The following PLEKHF1 variants were observed in gnomAD, a reference collection of about 807,000 sequenced individuals.
PLEKHF1 encodes the protein pleckstrin homology and FYVE domain containing 1.
PLEKHF1 carries 1 observed loss-of-function variant against 4.1 expected under a neutral mutation model. The observed-to-expected ratio is 0.24, with a 90% CI of 0.09 to 1.15. The LOEUF is 1.15. Among genes scored for constraint, PLEKHF1 ranks in the 50% most tolerant of loss-of-function variants. The pLI is 0.52. For missense variants in PLEKHF1, 429 were observed against 400.6 expected (o/e 1.07, Z -0.60); for synonymous variants, 182 against 178.5 (o/e 1.02, Z -0.16).
intron 1 of PLEKHF1, among the ~76,000 whole-genome samples, chr19:29,667,598 C>G (rs891198): frequency 0.98 from 148,493 of 151,824 alleles, 72,621 homozygotes; most frequent in East Asian, 1. Context: ...GGTTCTCCAC[C>G]TGTAACCCGA....
chr19:29,674,714 C>A lies in PLEKHF1; in HGVS notation c.*35C>A. 1 of 1,559,724 alleles carries A rather than the reference C, an allele frequency of 6.4e-7. No individual in the cohort carries two copies. The highest frequency in any genetic ancestry group is 8.7e-7 in the Non-Finnish European group (1 of 1,150,464). ...TGCAGAACATCTGTCCCCAAGCCAG[C>A]TCCACTGCCCAGGCCCCCAAGAGGG... is the stretch of plus-strand genomic sequence containing the variant. On this transcript the variant is annotated 3_prime_UTR_variant, in exon 2 of 2. Coordinates refer to ENST00000436066, the MANE Select transcript of PLEKHF1 (RefSeq NM_024310.5).
intron 1 of PLEKHF1, among the ~76,000 whole-genome samples, chr19:29,673,387 A>G (rs930309681): frequency 1.5e-5 from 2 of 132,086 alleles, no homozygotes; most frequent in Non-Finnish European, 3.1e-5. Flanking sequence ...CCGGCTCAGT[A>G]GCACTTTTTT....
chr19:29,674,956 TC>T lies in PLEKHF1; in HGVS notation c.*279del. The T allele has an allele frequency of 2.3e-6, 1 of 442,286 alleles. No homozygotes were observed. Among genetic ancestry groups the T allele is most frequent in the Non-Finnish European group, 4.1e-6 (1 of 245,714 alleles). 27.4% of individuals were successfully genotyped at this position (442,286 alleles called of 1,614,324 possible). A position where few individuals can be genotyped will look rare whatever the true frequency, so the allele number is the denominator to read the frequency against. ...ACACTCTGCAGGCTGCAGCGGCAGC[TC>T]CAGATGGCCTCCTGAGCTGGACGAC... On this transcript the variant is annotated 3_prime_UTR_variant, in exon 2 of 2. Coordinates refer to ENST00000436066, the MANE Select transcript of PLEKHF1 (RefSeq NM_024310.5).
intron 1 of PLEKHF1, 113 bp from the exon 2 acceptor site, chr19:29,673,711 C>A: frequency 7.1e-7 from 1 of 1,403,802 alleles, no homozygotes. Flanking sequence ...GGTTACTGTG[C>A]GTAGTCAGTG....
rs1281294155 is a variant in PLEKHF1, at chr19:29,675,165, G to A, written c.*486G>A. On this transcript the variant is annotated 3_prime_UTR_variant, in exon 2 of 2. Transcript: ENST00000436066. Reference sequence around the variant, plus strand: ...CCCACCACGCTGGTGCCCACCGCCTGGCCAGCCAAGCCCTGCCGATCAGAC... The same window carrying A: ...CCCACCACGCTGGTGCCCACCGCCTAGCCAGCCAAGCCCTGCCGATCAGAC... 2 of 167,618 alleles carry A rather than the reference G, an allele frequency of 1.2e-5. No homozygotes were observed. Among genetic ancestry groups the A allele is most frequent in the East Asian group, 3.8e-4 (2 of 5,220 alleles). 10.4% of individuals were successfully genotyped at this position (167,618 alleles called of 1,614,324 possible).
At chr19:29,673,132 A>G (rs1971649290) in intron 1 of PLEKHF1, among the ~76,000 whole-genome samples, 1 of 152,080 alleles carries the variant, frequency 6.6e-6, no homozygotes, top group Non-Finnish European at 1.5e-5. Context: ...GGCTGACAGG[A>G]AGCACTCGGC....
chr19:29,674,381 T>C lies in PLEKHF1; in HGVS notation c.542T>C (p.Val181Ala), dbSNP rs1971675438. ...RRHHCRKCGF[V>A]VCAECSRQRF... ...CACCACTGCCGCAAGTGCGGCTTCG[T>C]GGTCTGCGCTGAGTGCTCGCGCCAG... is the stretch of plus-strand genomic sequence containing the variant. The change falls in exon 2 of 2, where the codon GTG (valine) becomes GCG (alanine). Residue 181 changes from valine (V) to alanine (A), a missense_variant. Transcript: ENST00000436066. 6.5e-7 allele frequency: 1 copy of C among 1,534,692 alleles called. No individual in the cohort carries two copies.
intron 1 of PLEKHF1, among the ~76,000 whole-genome samples, chr19:29,670,186 C>T (rs1193571582): frequency 6.6e-6 from 1 of 152,198 alleles, no homozygotes; most frequent in Non-Finnish European, 1.5e-5. Flanking sequence ...CCCGCCTTGG[C>T]CTCCCAAAAT....
At chr19:29,668,722 A>T (rs544310330) in intron 1 of PLEKHF1, among the ~76,000 whole-genome samples, 38 of 140,686 alleles carry the variant, frequency 2.7e-4, no homozygotes, top group Admixed American at 3.5e-4. Context: ...AATGTCTCAG[A>T]AAAAAAAAAA....
Position 29,674,795 on chromosome 19 carries a change from C to A in PLEKHF1, c.*116C>A. The A allele has an allele frequency of 7.0e-7, 1 of 1,422,762 alleles. No individual in the cohort carries two copies. Among genetic ancestry groups the A allele is most frequent in the Non-Finnish European group, 9.3e-7 (1 of 1,074,302 alleles). The allele number at this position is 1,422,762 out of a possible 1,614,324, so 88.1% of individuals were successfully genotyped here. On this transcript the variant is annotated 3_prime_UTR_variant, in exon 2 of 2. Transcript: ENST00000436066. ...CCCCATCCCATGGTGGCAGGTGCAG[C>A]GGTGGGGAGTGGCTCTTTCTGGACT...
In PLEKHF1 at chr19:29,674,493, G is replaced by A. The variant is rs909492054; in HGVS notation, c.654G>A (p.Glu218=). Residue 218 remains glutamate (E), a synonymous_variant, in exon 2 of 2, where the codon GAG becomes GAA. Coordinates refer to ENST00000436066, the MANE Select transcript of PLEKHF1 (RefSeq NM_024310.5). ...YRELAAQQRQ[E]EAEEQGAGSP... Reference sequence around the variant, plus strand: ...AACTGGCCGCCCAGCAGCGGCAGGAGGAGGCGGAGGAGCAGGGCGCGGGGT... The same window carrying A: ...AACTGGCCGCCCAGCAGCGGCAGGAAGAGGCGGAGGAGCAGGGCGCGGGGT... The A allele has an allele frequency of 1.9e-6, 3 of 1,548,334 alleles. No homozygotes were observed. Among genetic ancestry groups the A allele is most frequent in the Non-Finnish European group, 2.6e-6 (3 of 1,149,590 alleles).
At chr19:29,672,539 G>A (rs73024199) in intron 1 of PLEKHF1, among the ~76,000 whole-genome samples, 6,496 of 152,204 alleles carry the variant, frequency 0.043, 177 homozygotes, top group East Asian at 0.081. Flanking sequence ...CCTTGCCACC[G>A]ATATGGTGGC....
intron 1 of PLEKHF1, among the ~76,000 whole-genome samples, chr19:29,670,782 A>G (rs1276513876): frequency 6.6e-6 from 1 of 151,348 alleles, no homozygotes; most frequent in Non-Finnish European, 1.5e-5. Context: ...GGTTCACGCC[A>G]TTCTCCTGCC....
At chr19:29,672,304 T>C (rs534866870) in intron 1 of PLEKHF1, among the ~76,000 whole-genome samples, 1 of 152,166 alleles carries the variant, frequency 6.6e-6, no homozygotes, top group South Asian at 2.1e-4. Flanking sequence ...CCAGAGACAA[T>C]AATAAATGAA....
chr19:29,673,690 G>A (rs907779671), intron 1 of PLEKHF1, 134 bp from the exon 2 acceptor site: 1 of 1,181,612 alleles, frequency 8.5e-7, no homozygotes, highest in South Asian at 1.5e-5. Flanking sequence ...TCAGTGCTGG[G>A]CAGGCCTGCG....
In PLEKHF1 at chr19:29,674,427, G is replaced by A. The variant is rs926565379; in HGVS notation, c.588G>A (p.Leu196=). Residue 196 remains leucine, a synonymous_variant, in exon 2 of 2, where the codon CTG becomes CTA. Coordinates refer to ENST00000436066, the MANE Select transcript of PLEKHF1 (RefSeq NM_024310.5). ...GCCAGCGCTTCCTGCTCCCGCGCCTGTCCCCCAAGCCCGTGCGCGTCTGCA... is the reference window on the plus strand; with the variant it reads ...GCCAGCGCTTCCTGCTCCCGCGCCTATCCCCCAAGCCCGTGCGCGTCTGCA... ...CSRQRFLLPR[L]SPKPVRVCSL... 2 of 1,530,332 alleles carry A rather than the reference G, an allele frequency of 1.3e-6. No individual in the cohort carries two copies. Among genetic ancestry groups the A allele is most frequent in the African/African-American group, 1.4e-5 (1 of 72,828 alleles). The allele number at this position is 1,530,332 out of a possible 1,614,324, so 94.8% of individuals were successfully genotyped here. A position where few individuals can be genotyped will look rare whatever the true frequency, so the allele number is the denominator to read the frequency against.
At position 29,673,857 on chromosome 19, in the gene PLEKHF1, C is replaced by T; in HGVS notation, c.18C>T (p.Ala6=). 1 of 1,601,424 alleles carries T rather than the reference C, an allele frequency of 6.2e-7. No individual in the cohort carries two copies. ...TGGAGACGATGGTGGACCACTTGGC[C>T]AACACGGAGATCAACAGCCAGCGCA... The part of the protein sequence containing the change: MVDHL[A]NTEINSQRIA... Residue 6 remains alanine (A), a synonymous_variant, in exon 2 of 2, where the codon GCC becomes GCT. Transcript: ENST00000436066.
intron 1 of PLEKHF1, among the ~76,000 whole-genome samples, chr19:29,667,817 G>C (rs1414298114): frequency 6.6e-6 from 1 of 152,246 alleles, no homozygotes; most frequent in Non-Finnish European, 1.5e-5. Context: ...ATTTTACAAT[G>C]TGGCATGGTG....
intron 1 of PLEKHF1, 94 bp downstream of exon 1, chr19:29,665,599 T>C (rs777691051): frequency 1.2e-4 from 145 of 1,216,914 alleles, no homozygotes; most frequent in Non-Finnish European, 1.5e-4. Flanking sequence ...AAGCGAGCTC[T>C]CTCCCGCCGC....
Sources: gnomAD v4.1 joint callset for allele counts (sites outside exome capture counted in the v4.1 genomes callset) on GRCh38, gnomAD v4.1.1 for gene constraint, MANE v1.5 for transcripts, NCBI Gene and HGNC (gene_info 2026-07-23, HGNC 2026-07-21) for gene names.